GALNT14: variants seen among roughly 807,000 people sequenced by gnomAD.
GALNT14 encodes UDP-GalNAc:polypeptide N-acetylgalactosaminyltransferase 14.
Under a neutral mutation model 77.5 loss-of-function variants are expected in GALNT14, and 60 were observed. That is an observed-to-expected ratio of 0.77 (90% CI 0.63 to 0.96). The LOEUF (loss-of-function observed/expected upper bound fraction) is 0.96, where lower values mean the gene tolerates loss of function less well. GALNT14 is among the 40% of genes least tolerant of loss of function. The pLI, the probability that GALNT14 is intolerant of heterozygous loss-of-function variation, is 0.00. For synonymous variants in GALNT14, 280 were observed against 281.7 expected, an observed-to-expected ratio of 0.99 and a Z score of 0.06; for missense variants, 710 against 731.0, an observed-to-expected ratio of 0.97 and a Z score of 0.33.
chr2:30,929,272 C>A (rs902017790), intron 11 of GALNT14, 123 bp downstream of exon 11: 9 of 673,880 alleles, frequency 1.3e-5, no homozygotes, highest in Non-Finnish European at 2.6e-6. Flanking sequence ...GAAGCCACAG[C>A]CTTGGGCCCT....
chr2:30,899,462 A>C, the GALNT14 span, among the ~76,000 whole-genome samples: 1 of 152,122 alleles, frequency 6.6e-6, no homozygotes, highest in African/African-American at 2.4e-5. Context: ...AGGTGCAGGC[A>C]TTCTGGGCTG....
chr2:31,006,597 T>A (rs1283879386), intron 1 of GALNT14, among the ~76,000 whole-genome samples: 1 of 152,090 alleles, frequency 6.6e-6, no homozygotes, highest in Non-Finnish European at 1.5e-5. Flanking sequence ...TGATAGGGGA[T>A]CATTCATAGA....
intron 2 of GALNT14, among the ~76,000 whole-genome samples, chr2:30,980,680 C>G (rs992011959): frequency 6.6e-6 from 1 of 152,216 alleles, no homozygotes. Context: ...AGTTACGTTG[C>G]CTGGGTCTCA....
Position 31,138,413 on chromosome 2 carries a change from C to CCGCCGCCGT in GALNT14, c.-328_-327insACGGCGGCG. The CCGCCGCCGT allele has an allele frequency of 2.8e-6, 1 of 356,642 alleles. No homozygotes were observed. 22.1% of individuals were successfully genotyped at this position (356,642 alleles called of 1,614,324 possible). On this transcript the variant is annotated 5_prime_UTR_variant, in exon 1 of 15. Transcript: ENST00000349752. ...GCGGCTGCCGCCGCCGCCGCCGCCG[C>CCGCCGCCGT]CTTGCCCGCTGCCGCCGATAGGGAA...
the GALNT14 span, among the ~76,000 whole-genome samples, chr2:30,897,844 CT>C: frequency 6.6e-6 from 1 of 152,212 alleles, no homozygotes; most frequent in African/African-American, 2.4e-5. Flanking sequence ...TTTCTGTTTA[CT>C]TTCCCTCCTG....
intron 6 of GALNT14, among the ~76,000 whole-genome samples, chr2:30,947,677 C>G (rs1455132570): frequency 1.3e-5 from 2 of 152,218 alleles, no homozygotes; most frequent in African/African-American, 4.8e-5. Context: ...ACCAACCACC[C>G]TTTGGCCAGC....
At chr2:30,940,319 G>A (rs1666305852) in intron 9 of GALNT14, among the ~76,000 whole-genome samples, 1 of 152,154 alleles carries the variant, frequency 6.6e-6, no homozygotes, top group South Asian at 2.1e-4. Flanking sequence ...TACCAAAATG[G>A]ACCAGACTGT....
chr2:30,920,554 C>T (rs1664967961), intron 13 of GALNT14, among the ~76,000 whole-genome samples: 1 of 151,722 alleles, frequency 6.6e-6, no homozygotes, highest in Admixed American at 6.6e-5. Flanking sequence ...GAAAACAGGA[C>T]ATTTACATGG....
At chr2:30,898,778 G>A in the GALNT14 span, among the ~76,000 whole-genome samples, 2 of 152,270 alleles carry the variant, frequency 1.3e-5, no homozygotes, top group South Asian at 2.1e-4. Context: ...GGCAGAGGGG[G>A]AGGCAAAGTG....
intron 1 of GALNT14, among the ~76,000 whole-genome samples, chr2:31,005,057 GGCCTGCTGGCCAC>G (rs775225697): frequency 3.2e-4 from 49 of 152,144 alleles, no homozygotes; most frequent in Non-Finnish European, 4.4e-4. Context: ...GGCTGACATT[GGCCTGCTGGCCAC>G]CAAATTGTGA....
intron 6 of GALNT14, among the ~76,000 whole-genome samples, chr2:30,953,738 G>A (rs1162446141): frequency 6.6e-6 from 1 of 152,180 alleles, no homozygotes; most frequent in African/African-American, 2.4e-5. Context: ...ACCTTACTAA[G>A]CAGGGTATGG....
At chr2:30,911,501 G>T (rs966039079) in intron 14 of GALNT14, among the ~76,000 whole-genome samples, 7 of 152,120 alleles carry the variant, frequency 4.6e-5, no homozygotes, top group African/African-American at 1.7e-4. Context: ...AGAGAGGCAG[G>T]TCTCATGCAG....
At chr2:30,906,747 A>G (rs1416887772), downstream of GALNT14, among the ~76,000 whole-genome samples, 1 of 152,206 alleles carries the variant, frequency 6.6e-6, no homozygotes, top group East Asian at 1.9e-4. Flanking sequence ...CCAAATCAAC[A>G]GAATATACAT....
chr2:31,005,919 G>A (rs1484906837), intron 1 of GALNT14, among the ~76,000 whole-genome samples: 8 of 152,240 alleles, frequency 5.3e-5, no homozygotes, highest in African/African-American at 7.2e-5. Flanking sequence ...TTTTATGCAC[G>A]TGGAGAGTGG....
chr2:30,911,151 G>T, intron 14 of GALNT14, 92 bp from the exon 15 acceptor site: 1 of 1,150,356 alleles, frequency 8.7e-7, no homozygotes, highest in Non-Finnish European at 1.3e-6. Context: ...CTCATGTCTA[G>T]GGTCACTGAG....
At chr2:30,970,983 C>T (rs1321726970) in intron 2 of GALNT14, among the ~76,000 whole-genome samples, 1 of 152,174 alleles carries the variant, frequency 6.6e-6, no homozygotes, top group African/African-American at 2.4e-5. Context: ...TCCTGTGACT[C>T]CTAATCTGGT....
intron 1 of GALNT14, among the ~76,000 whole-genome samples, chr2:31,067,727 C>T (rs567614922): frequency 6.6e-6 from 1 of 152,186 alleles, no homozygotes; most frequent in Admixed American, 6.5e-5. Flanking sequence ...CAGCGCTCTG[C>T]TTCTACCACT....
At chr2:30,912,809 C>T (rs1572954063) in intron 13 of GALNT14, among the ~76,000 whole-genome samples, 1 of 152,058 alleles carries the variant, frequency 6.6e-6, no homozygotes, top group Non-Finnish European at 1.5e-5. Flanking sequence ...AAGTCAGTGT[C>T]CAGAGCACAT....
intron 6 of GALNT14, among the ~76,000 whole-genome samples, chr2:30,947,025 A>G (rs1666739286): frequency 6.6e-6 from 1 of 152,126 alleles, no homozygotes; most frequent in Non-Finnish European, 1.5e-5. Flanking sequence ...TCCCCGCAGC[A>G]CTAAATGAAG....
Sources: allele counts gnomAD v4.1 joint callset (sites outside exome capture counted in the v4.1 genomes callset), GRCh38; gene constraint gnomAD v4.1.1; transcripts MANE v1.5; gene names NCBI Gene and HGNC (gene_info 2026-07-23, HGNC 2026-07-21).